FSD1L: variants seen among roughly 807,000 people sequenced by gnomAD.
FSD1L encodes the protein fibronectin type III and SPRY domain containing 1 like.
Under a neutral mutation model 71.6 loss-of-function variants are expected in FSD1L, and 45 were observed. The observed-to-expected ratio is 0.63, with a 90% CI of 0.49 to 0.81. FSD1L has a LOEUF of 0.81. Ranked by LOEUF, FSD1L falls within the 30% of genes least tolerant of loss-of-function variation. FSD1L has a pLI of 0.00. For missense variants in FSD1L, 561 were observed against 618.1 expected (o/e 0.91, Z 0.98); for synonymous variants, 197 against 207.2 (o/e 0.95, Z 0.42).
rs1399796800 is a variant in FSD1L, at chr9:105,520,835, C to A, written c.1025+7899C>A. On this transcript the variant is annotated intron_variant, in intron 10 of 13. Transcript: ENST00000481272. The stretch of plus-strand genomic sequence containing the variant: ...CTATAGAAGAAATCACTCCTCTTGT[C>A]CCCCCACAATCAGGAGATAAAGGGC... 5.6e-6 allele frequency: 9 copies of A among 1,612,042 alleles called. No homozygotes were observed. In the East Asian group the frequency reaches 2.0e-4, roughly 36 times the overall value.
At chr9:105,543,069 T>G (rs955335271) in intron 13 of FSD1L, among the ~76,000 whole-genome samples, 21 of 152,272 alleles carry the variant, frequency 1.4e-4, no homozygotes, top group African/African-American at 5.1e-4. Context: ...AGTTTTATAA[T>G]CAGAAAGTTG....
At chr9:105,525,852 TC>T (rs1835475288) in intron 10 of FSD1L, 2 of 1,594,412 alleles carry the variant, frequency 1.3e-6, no homozygotes, top group African/African-American at 2.7e-5. Flanking sequence ...GATTGACCAC[TC>T]CATATTTTGC....
intron 7 of FSD1L, among the ~76,000 whole-genome samples, chr9:105,503,980 C>A (rs1017012000): frequency 1.3e-5 from 2 of 152,182 alleles, no homozygotes; most frequent in Non-Finnish European, 2.9e-5. Flanking sequence ...TGCAGTCTTA[C>A]TAGAATGGCA....
At chr9:105,489,521 T>C (rs1382377660) in intron 7 of FSD1L, among the ~76,000 whole-genome samples, 2 of 152,194 alleles carry the variant, frequency 1.3e-5, no homozygotes, top group Non-Finnish European at 2.9e-5. Flanking sequence ...ATTATTATTA[T>C]ACTTCTAAGT....
intron 10 of FSD1L, among the ~76,000 whole-genome samples, chr9:105,514,291 C>T (rs1834567844): frequency 1.3e-5 from 2 of 152,150 alleles, no homozygotes; most frequent in South Asian, 2.1e-4. Context: ...ATTTAATAGT[C>T]TATGAGTAGA....
intron 4 of FSD1L, among the ~76,000 whole-genome samples, chr9:105,469,100 C>G (rs1831267940): frequency 6.6e-6 from 1 of 152,156 alleles, no homozygotes; most frequent in African/African-American, 2.4e-5. Context: ...CTAGGATTTC[C>G]TCCTTTTTTG....
At position 105,458,359 on chromosome 9, in the gene FSD1L, A is replaced by G. The variant is rs77946536; in HGVS notation, c.16-3161A>G. ...TCTGCAGCTTGGCAAGTGGGCCAGG[A>G]AAGTGTTACAGCCCTTTCTGCGCCT... On this transcript the variant is annotated intron_variant, in intron 1 of 13. Coordinates refer to ENST00000481272, the MANE Select transcript of FSD1L (RefSeq NM_001145313.3). Among the ~76,000 whole-genome samples the G allele has an allele frequency of 9.2e-3, 1,406 of 152,230 alleles. 22 individuals are homozygous for G. Among genetic ancestry groups the G allele is most frequent in the African/African-American group, 0.032 (1,346 of 41,536 alleles).
chr9:105,468,417 C>T (rs1209621539), intron 4 of FSD1L, 93 bp downstream of exon 4: 1 of 954,424 alleles, frequency 1.0e-6, no homozygotes. Context: ...CTAAGTATAA[C>T]TATACCCTTA....
intron 12 of FSD1L, among the ~76,000 whole-genome samples, chr9:105,537,974 G>A (rs537928989): frequency 1.6e-4 from 24 of 152,314 alleles, no homozygotes; most frequent in African/African-American, 5.3e-4. Context: ...AGGACAGACA[G>A]TTGAAGATGA....
At chr9:105,463,867 G>A (rs759485559) in intron 2 of FSD1L, among the ~76,000 whole-genome samples, 19 of 151,754 alleles carry the variant, frequency 1.3e-4, no homozygotes, top group Non-Finnish European at 2.5e-4. Context: ...TTTATTCCTC[G>A]GTTCCTGATG....
chr9:105,455,889 G>A (rs897514034), intron 1 of FSD1L, among the ~76,000 whole-genome samples: 2 of 152,194 alleles, frequency 1.3e-5, no homozygotes, highest in African/African-American at 2.4e-5. Flanking sequence ...AGATCTATTT[G>A]TGGTATTTGC....
At chr9:105,481,263 G>A (rs994744058) in intron 6 of FSD1L, among the ~76,000 whole-genome samples, 4 of 142,810 alleles carry the variant, frequency 2.8e-5, no homozygotes, top group African/African-American at 7.8e-5. Context: ...CTTCCTGCCC[G>A]AGGAACATTT....
chr9:105,447,839 A>G, upstream of FSD1L: 1 of 332,548 alleles, frequency 3.0e-6, no homozygotes, highest in South Asian at 3.5e-5. Context: ...CTGGATGCCC[A>G]GTGGCCTATT....
intron 10 of FSD1L, chr9:105,520,967 AT>A: frequency 6.2e-7 from 1 of 1,611,860 alleles, no homozygotes; most frequent in Non-Finnish European, 8.5e-7. Context: ...GGGGATTTTC[AT>A]TTTTGTTTTC....
chr9:105,535,798 A>T (rs1479650714), intron 12 of FSD1L, among the ~76,000 whole-genome samples: 1 of 151,750 alleles, frequency 6.6e-6, no homozygotes, highest in Non-Finnish European at 1.5e-5. Flanking sequence ...TACAAAAATT[A>T]AAAAAAAATT....
chr9:105,478,235 ACT>A (rs1831941309), intron 5 of FSD1L, among the ~76,000 whole-genome samples: 2 of 152,148 alleles, frequency 1.3e-5, no homozygotes, highest in East Asian at 1.9e-4. Flanking sequence ...ACAGAACAAG[ACT>A]CTGTCTCAAA....
At chr9:105,494,030 T>G (rs1292890741) in intron 7 of FSD1L, among the ~76,000 whole-genome samples, 3 of 152,164 alleles carry the variant, frequency 2.0e-5, no homozygotes, top group Non-Finnish European at 4.4e-5. Flanking sequence ...TGTATTTCCT[T>G]AATCTGAATG....
intron 7 of FSD1L, among the ~76,000 whole-genome samples, chr9:105,500,355 T>C (rs1028240941): frequency 6.6e-6 from 1 of 152,196 alleles, no homozygotes; most frequent in Non-Finnish European, 1.5e-5. Context: ...CCGTGAACTT[T>C]GCAAGGGACT....
intron 7 of FSD1L, among the ~76,000 whole-genome samples, chr9:105,492,324 T>G (rs1382946615): frequency 6.6e-6 from 1 of 152,204 alleles, no homozygotes; most frequent in African/African-American, 2.4e-5. Context: ...AGTTTGTATT[T>G]CTGTGGCATC....
Sources: allele counts gnomAD v4.1 joint callset (sites outside exome capture counted in the v4.1 genomes callset), GRCh38; gene constraint gnomAD v4.1.1; transcripts MANE v1.5; gene names NCBI Gene and HGNC (gene_info 2026-07-23, HGNC 2026-07-21).